Variants in SLC6A6 observed in about 807,000 individuals in gnomAD.
SLC6A6 encodes sodium- and chloride-dependent taurine transporter.
In SLC6A6, 16 loss-of-function variants were observed where a neutral mutation model predicts 68.8. The observed-to-expected ratio is 0.23, with a 90% confidence interval of 0.16 to 0.35. The LOEUF is 0.35. Ranked by LOEUF, SLC6A6 falls within the 10% of genes least tolerant of loss-of-function variation. The pLI, the probability that SLC6A6 is intolerant of heterozygous loss-of-function variation, is 1.00. For missense variants in SLC6A6, 474 were observed against 802.8 expected (o/e 0.59, Z 4.95); for synonymous variants, 312 against 315.4 (o/e 0.99, Z 0.12).
chr3:14,438,745 C>T (rs900997432), intron 2 of SLC6A6, among the ~76,000 whole-genome samples: 2 of 152,210 alleles, frequency 1.3e-5, no homozygotes, highest in African/African-American at 4.8e-5. Context: ...AGGAAACAGA[C>T]AAGGACCTGG....
rs539490890 is a variant in SLC6A6, at chr3:14,408,756, G to A, written c.-54+5909G>A. On this transcript the variant is annotated intron_variant, in intron 1 of 14. Coordinates refer to ENST00000622186, the MANE Select transcript of SLC6A6 (RefSeq NM_003043.6). ...AGTTTTGATTTCCTCTTTGATCCAG[G>A]CATTATTTGGGATCTGTTTGGAAGC... 2.6e-5 allele frequency among the ~76,000 whole-genome samples: 4 copies of A among 151,966 alleles called. No homozygotes were observed. In the South Asian group the frequency reaches 8.3e-4, roughly 32 times the overall value.
chr3:14,440,184 T>C (rs1699949880), intron 2 of SLC6A6, among the ~76,000 whole-genome samples: 1 of 152,122 alleles, frequency 6.6e-6, no homozygotes, highest in African/African-American at 2.4e-5. Context: ...AGTTACCCCA[T>C]TTTACAGATG....
intron 6 of SLC6A6, among the ~76,000 whole-genome samples, chr3:14,465,216 A>G (rs889745632): frequency 6.6e-6 from 1 of 152,238 alleles, no homozygotes; most frequent in Non-Finnish European, 1.5e-5. Flanking sequence ...GGGAAAATCC[A>G]TCCATGAGAA....
chr3:14,440,630 G>A (rs1322245881), intron 2 of SLC6A6, among the ~76,000 whole-genome samples: 1 of 152,206 alleles, frequency 6.6e-6, no homozygotes, highest in Non-Finnish European at 1.5e-5. Context: ...GGCGGGCAGA[G>A]TAGCAGCAGG....
intron 7 of SLC6A6, among the ~76,000 whole-genome samples, chr3:14,467,469 C>G (rs996734655): frequency 6.6e-6 from 1 of 152,168 alleles, no homozygotes; most frequent in Non-Finnish European, 1.5e-5. Flanking sequence ...TGGGCTGAAT[C>G]GCCACTCTTT....
intron 9 of SLC6A6, among the ~76,000 whole-genome samples, chr3:14,471,226 T>C (rs1429491480): frequency 1.3e-5 from 2 of 151,886 alleles, no homozygotes; most frequent in Admixed American, 6.6e-5. Flanking sequence ...TTAAATTATT[T>C]CCGTTGGCAT....
intron 2 of SLC6A6, among the ~76,000 whole-genome samples, chr3:14,438,218 GT>G (rs202033964): frequency 0.21 from 31,355 of 146,926 alleles, 3,290 homozygotes; most frequent in South Asian, 0.25. Context: ...CAATGTGGCT[GT>G]TTTTTTTTTT....
intron 12 of SLC6A6, 72 bp downstream of exon 12, chr3:14,478,640 C>T: frequency 8.6e-6 from 8 of 925,392 alleles, no homozygotes; most frequent in Non-Finnish European, 1.3e-5. Context: ...GCTTCAGAAG[C>T]AGAGAATACT....
intron 6 of SLC6A6, among the ~76,000 whole-genome samples, chr3:14,462,288 C>T (rs1329362421): frequency 2.6e-5 from 4 of 152,148 alleles, no homozygotes; most frequent in Non-Finnish European, 5.9e-5. Context: ...ACAGGGGGCT[C>T]GATGAGCTTA....
intron 5 of SLC6A6, among the ~76,000 whole-genome samples, chr3:14,452,864 G>C (rs1157360374): frequency 6.6e-6 from 1 of 152,240 alleles, no homozygotes; most frequent in African/African-American, 2.4e-5. Context: ...CGCCCTGGAG[G>C]ACAGGCGGGG....
At chr3:14,423,242 G>A (rs1699522235) in intron 2 of SLC6A6, among the ~76,000 whole-genome samples, 1 of 152,234 alleles carries the variant, frequency 6.6e-6, no homozygotes, top group Non-Finnish European at 1.5e-5. Flanking sequence ...GCCTCTGGAA[G>A]GACAGACAGT....
intron 5 of SLC6A6, chr3:14,448,190 G>C (rs1700174830): frequency 3.2e-6 from 2 of 622,916 alleles, no homozygotes; most frequent in South Asian, 4.3e-5. Context: ...AGAGAAAAAT[G>C]CATATATGAA....
At chr3:14,465,326 C>T (rs1700591867) in intron 6 of SLC6A6, among the ~76,000 whole-genome samples, 1 of 152,240 alleles carries the variant, frequency 6.6e-6, no homozygotes, top group Non-Finnish European at 1.5e-5. Context: ...TGATCTTGGC[C>T]TGTCTGGAAC....
Position 14,481,863 on chromosome 3 carries a change from CA to C in SLC6A6, c.1722+23del. ...TGTGGTAAGTGCTTGGGCCCAGGGC[CA>C]GGGGAGGTGGGAGGCGCGAGGCCAA... On this transcript the variant is annotated intron_variant, in intron 14 of 14. Coordinates refer to ENST00000622186, the MANE Select transcript of SLC6A6 (RefSeq NM_003043.6). This position sits in a 1 kb window ranked among gnomAD's most constrained non-coding sequence, Gnocchi z 4.7. 1 of 1,607,522 alleles carries C rather than the reference CA, an allele frequency of 6.2e-7. No homozygotes were observed. Among genetic ancestry groups the C allele is most frequent in the Non-Finnish European group, 8.5e-7 (1 of 1,175,660 alleles).
chr3:14,458,052 C>T lies in SLC6A6; in HGVS notation c.702C>T (p.Cys234=). 1 of 1,613,850 alleles carries T rather than the reference C, an allele frequency of 6.2e-7. No homozygotes were observed. Among genetic ancestry groups the T allele is most frequent in the South Asian group, 1.1e-5 (1 of 91,078 alleles). ...LLLVWLVCFF[C]IWKGVRSTGK... ...TAGTCTGGCTAGTGTGTTTCTTCTG[C>T]ATCTGGAAGGGCGTCAGGTCCACTG... Residue 234 remains cysteine (C), a synonymous_variant, in exon 6 of 15, where the codon TGC becomes TGT. Transcript: ENST00000622186.
chr3:14,478,245 G>A (rs1700925343), intron 11 of SLC6A6, among the ~76,000 whole-genome samples: 1 of 152,132 alleles, frequency 6.6e-6, no homozygotes, highest in Admixed American at 6.5e-5. Flanking sequence ...AGGCTCCCGT[G>A]GACCCATCAT....
intron 6 of SLC6A6, among the ~76,000 whole-genome samples, chr3:14,463,776 G>A (rs923861296): frequency 2.6e-5 from 4 of 152,196 alleles, no homozygotes; most frequent in African/African-American, 9.7e-5. Context: ...GAGAAGAGAT[G>A]ACGGTGGCTG....
chr3:14,410,298 A>G (rs565108797), intron 1 of SLC6A6, among the ~76,000 whole-genome samples: 63 of 152,186 alleles, frequency 4.1e-4, no homozygotes, highest in African/African-American at 1.4e-3. Context: ...GGATTTAAGG[A>G]AAGGGTTAAT....
chr3:14,412,313 C>T (rs1024296403), intron 1 of SLC6A6, among the ~76,000 whole-genome samples: 8 of 151,858 alleles, frequency 5.3e-5, no homozygotes, highest in African/African-American at 1.9e-4. Context: ...AACGTTGCCT[C>T]GAGGAACAAT....
Sources: allele counts gnomAD v4.1 joint callset (sites outside exome capture counted in the v4.1 genomes callset), GRCh38; gene constraint gnomAD v4.1.1; non-coding constraint Gnocchi (gnomAD v3.1); transcripts MANE v1.5; gene names NCBI Gene and HGNC (gene_info 2026-07-23, HGNC 2026-07-21).